Variants in ZPBP observed in about 807,000 individuals in gnomAD.
The protein encoded by ZPBP is zona pellucida binding protein, also known as zona pellucida-binding protein 1.
A neutral mutation model predicts 44.8 loss-of-function variants in ZPBP; 26 were observed. That is an observed-to-expected ratio of 0.58 (90% CI 0.43 to 0.81). The LOEUF (loss-of-function observed/expected upper bound fraction) is 0.81. Among genes scored for constraint, ZPBP ranks in the 30% least tolerant of loss-of-function variants. ZPBP has a pLI of 0.00. For missense variants in ZPBP, 409 were observed against 434.0 expected (o/e 0.94, Z 0.51); for synonymous variants, 174 against 153.2 (o/e 1.14, Z -1.00).
intron 2 of ZPBP, among the ~76,000 whole-genome samples, chr7:49,900,722 C>G (rs2128735505): frequency 6.6e-6 from 1 of 151,816 alleles, no homozygotes; most frequent in South Asian, 2.1e-4. Flanking sequence ...GTGAATTATA[C>G]CAAACATTTA....
intron 2 of ZPBP, among the ~76,000 whole-genome samples, chr7:49,875,429 T>C (rs534437711): frequency 7.0e-6 from 1 of 142,976 alleles, no homozygotes; most frequent in Non-Finnish European, 1.5e-5. Flanking sequence ...ATATATTTTT[T>C]AAAAATAGGA....
rs559157574 is a variant in ZPBP at position 50,058,114 on chromosome 7, G to A, written c.362C>T (p.Ser121Phe). ...ATTTTGGAATACAAGGCTTCCTGTG[G>A]ATGTTATTTGTGCAGTGCGGTTTTC... Reference protein sequence around the residue: ...SVENRTAQITSTGSLVFQNFE... With the variant: ...SVENRTAQITFTGSLVFQNFE... Residue 121 changes from serine to phenylalanine, a missense_variant, in exon 4 of 8, where the codon TCC (serine) becomes TTC (phenylalanine). Around this residue, in one of 2 missense-constraint regions of ZPBP, gnomAD observed 367 missense variants for 363.1 expected, o/e 1.01. Coordinates refer to ENST00000046087, the MANE Select transcript of ZPBP (RefSeq NM_007009.3). The A allele has an allele frequency of 4.0e-5, 65 of 1,613,816 alleles. 1 individual carries two copies. In the South Asian group the frequency reaches 7.0e-4, roughly 17 times the overall value.
chr7:49,920,546 T>G (rs567898737), intron 1 of ZPBP: 2 of 152,208 alleles, frequency 1.3e-5, no homozygotes, highest in African/African-American at 4.8e-5. Context: ...CACGGAAAGC[T>G]GGACCTAAGC....
intron 4 of ZPBP, among the ~76,000 whole-genome samples, chr7:50,043,328 A>G (rs1800187574): frequency 6.6e-6 from 1 of 152,108 alleles, no homozygotes; most frequent in South Asian, 2.1e-4. Context: ...TCCACACTCT[A>G]TATTTCTATG....
At chr7:49,983,254 A>C (rs577503579) in intron 7 of ZPBP, 88 bp downstream of exon 7, 2 of 1,140,020 alleles carry the variant, frequency 1.8e-6, no homozygotes, top group East Asian at 2.5e-5. Flanking sequence ...AATGATAGTA[A>C]AAATAAGTGA....
downstream of ZPBP, among the ~76,000 whole-genome samples, chr7:49,847,074 T>A (rs1459379772): frequency 6.6e-6 from 1 of 152,142 alleles, no homozygotes; most frequent in Non-Finnish European, 1.5e-5. Context: ...TGGCTTGTTA[T>A]TTGCAAAGTT....
chr7:49,967,855 G>C (rs1796123440), intron 7 of ZPBP, among the ~76,000 whole-genome samples: 1 of 152,062 alleles, frequency 6.6e-6, no homozygotes, highest in African/African-American at 2.4e-5. Flanking sequence ...TGAATATCTG[G>C]CACAGTGTGA....
chr7:50,045,099 C>T (rs1019297624), intron 4 of ZPBP, among the ~76,000 whole-genome samples: 1 of 152,104 alleles, frequency 6.6e-6, no homozygotes, highest in African/African-American at 2.4e-5. Flanking sequence ...AAATACAACA[C>T]CCCTTTATGC....
At chr7:49,978,881 T>G (rs1478665016) in intron 7 of ZPBP, among the ~76,000 whole-genome samples, 2 of 152,042 alleles carry the variant, frequency 1.3e-5, no homozygotes, top group East Asian at 1.9e-4. Flanking sequence ...TAAACAAAAA[T>G]TATTATTATC....
intron 6 of ZPBP, among the ~76,000 whole-genome samples, chr7:49,992,250 C>T (rs1011850678): frequency 5.9e-5 from 9 of 151,884 alleles, no homozygotes; most frequent in African/African-American, 2.2e-4. Context: ...GAAGAAACAT[C>T]GAAGCCACAC....
chr7:50,086,278 T>C (rs1198831643), intron 2 of ZPBP, among the ~76,000 whole-genome samples: 1 of 152,060 alleles, frequency 6.6e-6, no homozygotes, highest in Admixed American at 6.6e-5. Context: ...CTATTATAAA[T>C]GTCAAGTTTT....
chr7:49,910,834 G>A (rs1414106569), intron 1 of ZPBP, among the ~76,000 whole-genome samples: 1 of 152,136 alleles, frequency 6.6e-6, no homozygotes, highest in African/African-American at 2.4e-5. Context: ...CCCCAAACAA[G>A]CAGCATCCAC....
chr7:50,039,720 C>T (rs1799978242), intron 4 of ZPBP, among the ~76,000 whole-genome samples: 1 of 152,100 alleles, frequency 6.6e-6, no homozygotes, highest in South Asian at 2.1e-4. Flanking sequence ...TATGACAAAA[C>T]CTATAAATAT....
intron 6 of ZPBP, among the ~76,000 whole-genome samples, chr7:50,017,690 G>A (rs1281029054): frequency 1.3e-5 from 2 of 151,972 alleles, no homozygotes; most frequent in Non-Finnish European, 2.9e-5. Flanking sequence ...AAATATTACT[G>A]TTTACAATGT....
chr7:49,846,460 C>T (rs575546546), downstream of ZPBP, among the ~76,000 whole-genome samples: 7 of 152,302 alleles, frequency 4.6e-5, no homozygotes, highest in Admixed American at 2.0e-4. Flanking sequence ...TCCCTCACTT[C>T]CACGTCTTTG....
At chr7:49,922,997 G>A (rs1583848357) in intron 1 of ZPBP, among the ~76,000 whole-genome samples, 1 of 152,262 alleles carries the variant, frequency 6.6e-6, no homozygotes, top group South Asian at 2.1e-4. Flanking sequence ...TGTAATAACT[G>A]AAATTAAAGA....
intron 7 of ZPBP, among the ~76,000 whole-genome samples, chr7:49,958,564 G>A (rs1377545685): frequency 6.6e-6 from 1 of 152,138 alleles, no homozygotes; most frequent in Non-Finnish European, 1.5e-5. Context: ...ATCATGAGAT[G>A]ACACAGGAAG....
At chr7:50,061,447 T>C (rs1459465116) in intron 3 of ZPBP, among the ~76,000 whole-genome samples, 10 of 152,092 alleles carry the variant, frequency 6.6e-5, no homozygotes, top group Non-Finnish European at 1.5e-5. Context: ...ACATCCATAA[T>C]CCCAGCATGT....
chr7:50,031,411 G>C (rs1799603610), intron 4 of ZPBP, 101 bp from the exon 5 acceptor site: 4 of 904,200 alleles, frequency 4.4e-6, no homozygotes, highest in Middle Eastern at 3.4e-4. Context: ...ATGAATTCTT[G>C]GTACATGTTT....
Sources: gnomAD v4.1 joint callset for allele counts (sites outside exome capture counted in the v4.1 genomes callset) on GRCh38, gnomAD v4.1.1 for gene constraint, gnomAD v4.1.1 regional missense constraint, MANE v1.5 for transcripts, NCBI Gene and HGNC (gene_info 2026-07-23, HGNC 2026-07-21) for gene names.